IFT25: variants seen among roughly 807,000 people sequenced by gnomAD.
IFT25 encodes intraflagellar transport protein 25 homolog.
At chr1:53,928,948 G>A in the IFT25 span, 1 of 153,150 alleles carries the variant, frequency 6.5e-6, no homozygotes, top group African/African-American at 2.4e-5. Flanking sequence ...GAACCTCCAC[G>A]ATTAATGAGA....
At chr1:53,939,993 G>C in the IFT25 span, 1 of 1,581,352 alleles carries the variant, frequency 6.3e-7, no homozygotes, top group Non-Finnish European at 8.7e-7. Context: ...ACCCATCAAT[G>C]ATATTTTCAG....
the IFT25 span, chr1:53,946,262 C>T: frequency 2.6e-5 from 4 of 151,938 alleles, no homozygotes; most frequent in African/African-American, 4.8e-5. Context: ...ACCCTCGGCC[C>T]TCGGGTCGCC....
At chr1:53,929,994 G>C in the IFT25 span, 42 of 1,503,520 alleles carry the variant, frequency 2.8e-5, 1 homozygote, top group South Asian at 5.8e-4. Flanking sequence ...GCCTTACCTG[G>C]AGCACCAAAA....
At chr1:53,930,719 T>C in the IFT25 span, among the ~76,000 whole-genome samples, 1 of 152,186 alleles carries the variant, frequency 6.6e-6, no homozygotes, top group African/African-American at 2.4e-5. Flanking sequence ...TGTGTTTCTA[T>C]GGCTCCCACT....
the IFT25 span, chr1:53,928,347 A>G: frequency 6.4e-7 from 1 of 1,564,686 alleles, no homozygotes. Context: ...CTTCATGCTC[A>G]GAACAATGCT....
chr1:53,929,860 C>T, the IFT25 span: 2 of 1,047,326 alleles, frequency 1.9e-6, no homozygotes, highest in East Asian at 6.5e-5. Flanking sequence ...TAATCCCCAT[C>T]CTTTCACCCC....
chr1:53,941,926 T>C, the IFT25 span, among the ~76,000 whole-genome samples: 1 of 152,200 alleles, frequency 6.6e-6, no homozygotes, highest in Non-Finnish European at 1.5e-5. Flanking sequence ...CAGAGAAATA[T>C]GAATTGGGTG....
At chr1:53,937,360 CT>C in the IFT25 span, among the ~76,000 whole-genome samples, 4 of 152,114 alleles carry the variant, frequency 2.6e-5, no homozygotes, top group African/African-American at 9.7e-5. Flanking sequence ...CTCAACTGAT[CT>C]GCCCGCCTCA....
the IFT25 span, among the ~76,000 whole-genome samples, chr1:53,917,670 T>A: frequency 1.1e-4 from 17 of 151,636 alleles, no homozygotes; most frequent in East Asian, 1.5e-3. Context: ...CTACTAAAAA[T>A]ACAAAAATTG....
chr1:53,944,500 C>G, the IFT25 span, among the ~76,000 whole-genome samples: 1 of 152,150 alleles, frequency 6.6e-6, no homozygotes, highest in African/African-American at 2.4e-5. Flanking sequence ...TAAAAATTAG[C>G]TGGGTGTGGT....
chr1:53,937,366 G>A, the IFT25 span, among the ~76,000 whole-genome samples: 1 of 152,132 alleles, frequency 6.6e-6, no homozygotes, highest in South Asian at 2.1e-4. Flanking sequence ...TGATCTGCCC[G>A]CCTCAGCCTC....
the IFT25 span, among the ~76,000 whole-genome samples, chr1:53,940,638 G>A: frequency 4.6e-5 from 7 of 152,040 alleles, no homozygotes; most frequent in African/African-American, 1.7e-4. Context: ...GACAGAATAA[G>A]GTATAAAGTC....
At chr1:53,940,135 A>G in the IFT25 span, 1 of 1,044,666 alleles carries the variant, frequency 9.6e-7, no homozygotes, top group Non-Finnish European at 1.5e-6. Context: ...CAACTTCTTG[A>G]TTCTCTAAAC....
At chr1:53,941,856 T>C in the IFT25 span, among the ~76,000 whole-genome samples, 1 of 152,210 alleles carries the variant, frequency 6.6e-6, no homozygotes, top group Non-Finnish European at 1.5e-5. Flanking sequence ...ATCTGGAACA[T>C]GTTCTAAAGA....
chr1:53,933,188 C>T, the IFT25 span, among the ~76,000 whole-genome samples: 460 of 146,606 alleles, frequency 3.1e-3, 1 homozygote, highest in Middle Eastern at 0.011. Flanking sequence ...CAGGCTGGAG[C>T]GCAGTGCACA....
the IFT25 span, among the ~76,000 whole-genome samples, chr1:53,918,901 T>C: frequency 1.3e-5 from 2 of 152,134 alleles, no homozygotes; most frequent in African/African-American, 4.8e-5. Flanking sequence ...TGCAATGGCG[T>C]GATCTCGGCT....
the IFT25 span, among the ~76,000 whole-genome samples, chr1:53,935,436 AGTGTGGGGTTTCTT>A: frequency 6.6e-6 from 1 of 152,006 alleles, no homozygotes; most frequent in Non-Finnish European, 1.5e-5. Flanking sequence ...ACTGATAACA[AGTGTGGGGTTTCTT>A]GTGTGGGGTT....
At chr1:53,913,022 C>T in the IFT25 span, among the ~76,000 whole-genome samples, 1 of 152,096 alleles carries the variant, frequency 6.6e-6, no homozygotes, top group Admixed American at 6.6e-5. Flanking sequence ...TACTCATGAG[C>T]CAGCTGCTGT....
chr1:53,928,448 T>G, the IFT25 span: 1 of 1,602,990 alleles, frequency 6.2e-7, no homozygotes, highest in Non-Finnish European at 8.5e-7. Flanking sequence ...GTACTAACAT[T>G]GTAAACAAAG....
Sources: allele counts gnomAD v4.1 joint callset (sites outside exome capture counted in the v4.1 genomes callset), GRCh38; gene constraint gnomAD v4.1.1; transcripts MANE v1.5; gene names NCBI Gene and HGNC (gene_info 2026-07-23, HGNC 2026-07-21).